GNA12: variants seen among roughly 807,000 people sequenced by gnomAD.
The protein encoded by GNA12 is guanine nucleotide-binding protein subunit alpha-12.
In GNA12, 9 loss-of-function variants were observed where a neutral mutation model predicts 26.0. The ratio of observed to expected loss-of-function variants is 0.35; its 90% confidence interval spans 0.21 to 0.60. The LOEUF is 0.60. Ranked by LOEUF, GNA12 falls within the 20% of genes least tolerant of loss-of-function variation. GNA12 has a pLI of 0.78. For synonymous variants in GNA12, 264 were observed against 219.6 expected (o/e 1.20, Z -1.79); for missense variants, 405 against 525.8 (o/e 0.77, Z 2.25).
chr7:2,843,409 C>G (rs1405458826), intron 1 of GNA12, among the ~76,000 whole-genome samples: 2 of 151,058 alleles, frequency 1.3e-5, no homozygotes, highest in Non-Finnish European at 3.0e-5. Context: ...TTGAGGGAGA[C>G]CAAGGCAGGA....
At chr7:2,797,369 C>T (rs921927721) in intron 1 of GNA12, among the ~76,000 whole-genome samples, 1 of 152,038 alleles carries the variant, frequency 6.6e-6, no homozygotes, top group Admixed American at 6.5e-5. Flanking sequence ...GTCTCAAACT[C>T]CTGAGCTCAA....
At position 2,728,939 on chromosome 7, in the gene GNA12, C is replaced by A. The variant is rs1789745308; in HGVS notation, c.*2242G>T. Reference sequence around the variant, plus strand: ...CGGGTCAAGAGCCCGCGCCGGGGGCCATCCCCCTGCGCTTTCTATCGAGTT... The same window carrying A: ...CGGGTCAAGAGCCCGCGCCGGGGGCAATCCCCCTGCGCTTTCTATCGAGTT... On this transcript the variant is annotated 3_prime_UTR_variant, in exon 4 of 4. Coordinates refer to ENST00000275364, the MANE Select transcript of GNA12 (RefSeq NM_007353.3). 1 of 152,406 alleles carries A rather than the reference C, an allele frequency of 6.6e-6. No individual in the cohort carries two copies. The highest frequency in any genetic ancestry group is 1.5e-5 in the Non-Finnish European group (1 of 68,052). 9.4% of individuals were successfully genotyped at this position (152,406 alleles called of 1,614,324 possible). A position where few individuals can be genotyped will look rare whatever the true frequency, so the allele number is the denominator to read the frequency against.
chr7:2,731,192 T>G lies in GNA12; in HGVS notation c.1135A>C (p.Met379Leu). ...CGGGGCTTCCTCGCTCACTGCAGCA[T>G]GATGTCCTTCAGGTTCTCCTGCAGG... ...TILQENLKDI[M>L]LQ is the part of the protein sequence containing the mutation. Residue 379 changes from methionine to leucine, a missense_variant, in exon 4 of 4, where the codon ATG becomes CTG. Coordinates refer to ENST00000275364, the MANE Select transcript of GNA12 (RefSeq NM_007353.3). This position sits in a 1 kb window ranked among gnomAD's most constrained non-coding sequence, Gnocchi z 6.0. 1 of 1,609,712 alleles carries G rather than the reference T, an allele frequency of 6.2e-7. No individual in the cohort carries two copies. The highest frequency in any genetic ancestry group is 1.1e-5 in the South Asian group (1 of 90,888).
rs1324713245 is a variant in GNA12, at chr7:2,843,907, G to A, written c.255C>T (p.Phe85=). ...KQMRIIHGRE[F]DQKALLEFRD... The stretch of plus-strand genomic sequence containing the variant: ...GGAACTCCAGCAGCGCCTTCTGGTC[G>A]AACTCGCGGCCGTGGATGATGCGCA... The change falls in exon 1 of 4, where the codon TTC becomes TTT. Residue 85 remains phenylalanine (F), a synonymous_variant. Coordinates refer to ENST00000275364, the MANE Select transcript of GNA12 (RefSeq NM_007353.3). 1.9e-6 allele frequency: 3 copies of A among 1,583,434 alleles called. No homozygotes were observed. The highest frequency in any genetic ancestry group is 1.4e-5 in the African/African-American group (1 of 72,222).
intron 1 of GNA12, among the ~76,000 whole-genome samples, chr7:2,820,301 G>A (rs1025208639): frequency 1.3e-5 from 2 of 152,014 alleles, no homozygotes; most frequent in African/African-American, 4.8e-5. Flanking sequence ...AAAATTGACT[G>A]TGGTGATGGC....
At chr7:2,737,289 GTTTTTTTTT>G (rs11389467) in intron 2 of GNA12, among the ~76,000 whole-genome samples, 1 of 62,276 alleles carries the variant, frequency 1.6e-5, no homozygotes, top group Non-Finnish European at 3.2e-5. Flanking sequence ...TTTTTTTTTT[GTTTTTTTTT>G]TTTTTTTTGA....
At position 2,772,528 on chromosome 7, in the gene GNA12, C is replaced by G. The variant is rs1791974941; in HGVS notation, c.525+22400G>C. ...TGAGCCAAGATCGCACCACTGCACT[C>G]CAGCCTGGGCAACAGAGTGAGACTC... On this transcript the variant is annotated intron_variant, in intron 2 of 3. Coordinates refer to ENST00000275364, the MANE Select transcript of GNA12 (RefSeq NM_007353.3). 2.0e-5 allele frequency among the ~76,000 whole-genome samples: 3 copies of G among 151,400 alleles called. No homozygotes were observed. The South Asian group carries it at 6.3e-4, about 32-fold the overall frequency.
intron 2 of GNA12, among the ~76,000 whole-genome samples, chr7:2,768,363 T>G (rs1445937312): frequency 6.6e-6 from 1 of 152,242 alleles, no homozygotes; most frequent in Non-Finnish European, 1.5e-5. Context: ...CTTCATCCAG[T>G]GAAGATCAGT....
intron 1 of GNA12, among the ~76,000 whole-genome samples, chr7:2,831,569 A>AT (rs1403878116): frequency 6.6e-6 from 1 of 151,572 alleles, no homozygotes; most frequent in Admixed American, 6.6e-5. Flanking sequence ...ACGCCCGGTT[A>AT]TTTTTTTGTA....
chr7:2,821,588 C>T (rs1051236773), intron 1 of GNA12, among the ~76,000 whole-genome samples: 1 of 152,232 alleles, frequency 6.6e-6, no homozygotes, highest in Non-Finnish European at 1.5e-5. Flanking sequence ...AAACAATTCA[C>T]CCCAAACGGT....
chr7:2,728,341 T>A lies in GNA12; in HGVS notation c.*2840A>T, dbSNP rs1307820892. ...CAACTAATAATCTTCTTTCAAGAGT[T>A]TTTTTTTTCAATCTTGGAGTTAACA... On this transcript the variant is annotated 3_prime_UTR_variant, in exon 4 of 4. Transcript: ENST00000275364. 6.6e-6 allele frequency: 1 copy of A among 151,960 alleles called. No individual in the cohort carries two copies. The highest frequency in any genetic ancestry group is 1.5e-5 in the Non-Finnish European group (1 of 67,932). 9.4% of individuals were successfully genotyped at this position (151,960 alleles called of 1,614,324 possible).
chr7:2,820,879 C>T (rs1345496028), intron 1 of GNA12, among the ~76,000 whole-genome samples: 1 of 152,250 alleles, frequency 6.6e-6, no homozygotes, highest in Admixed American at 6.5e-5. Context: ...GCTGGGATTA[C>T]AGGCATGCAC....
rs1319251153 is a variant in GNA12 at position 2,793,680 on chromosome 7, C to T, written c.525+1248G>A. ...GGTGGATCACCTGAGGCCAGGAGTT[C>T]GAGACCAGCCTGGCCAACATGGTAA... is the stretch of plus-strand genomic sequence containing the variant. On this transcript the variant is annotated intron_variant, in intron 2 of 3. Coordinates refer to ENST00000275364, the MANE Select transcript of GNA12 (RefSeq NM_007353.3). Among the ~76,000 whole-genome samples, 3 of 152,008 alleles carry T rather than the reference C, an allele frequency of 2.0e-5. No individual in the cohort carries two copies. The South Asian group carries it at 6.3e-4, about 32-fold the overall frequency.
chr7:2,783,991 ATTTATT>A (rs1161208055), intron 2 of GNA12, among the ~76,000 whole-genome samples: 1 of 152,108 alleles, frequency 6.6e-6, no homozygotes, highest in Non-Finnish European at 1.5e-5. Flanking sequence ...GGCCTAATAA[ATTTATT>A]TTTAACATTT....
chr7:2,823,563 G>C (rs1406009883), intron 1 of GNA12, among the ~76,000 whole-genome samples: 2 of 152,200 alleles, frequency 1.3e-5, no homozygotes, highest in African/African-American at 4.8e-5. Context: ...GAAGAGGCCA[G>C]TCGTTGCTTA....
chr7:2,748,901 C>A (rs1790894259), intron 2 of GNA12, among the ~76,000 whole-genome samples: 1 of 152,204 alleles, frequency 6.6e-6, no homozygotes, highest in South Asian at 2.1e-4. Context: ...CCAAAAGACA[C>A]ATGAAAAAAT....
chr7:2,794,641 A>C (rs569361186), intron 2 of GNA12: 4 of 406,032 alleles, frequency 9.9e-6, no homozygotes, highest in Admixed American at 8.6e-5. Flanking sequence ...CTCTAAAAAA[A>C]ACTAAATTTC....
chr7:2,827,276 T>C (rs543926861), intron 1 of GNA12, among the ~76,000 whole-genome samples: 3 of 152,208 alleles, frequency 2.0e-5, no homozygotes, highest in East Asian at 3.9e-4. Flanking sequence ...AGATCTCCTT[T>C]TGGAGTGATT....
intron 1 of GNA12, among the ~76,000 whole-genome samples, chr7:2,838,615 C>A (rs1397939130): frequency 6.6e-6 from 1 of 151,914 alleles, no homozygotes; most frequent in African/African-American, 2.4e-5. Flanking sequence ...AATGACTTTA[C>A]CCTAAATGTA....
Sources: gnomAD v4.1 joint callset for allele counts (sites outside exome capture counted in the v4.1 genomes callset) on GRCh38, gnomAD v4.1.1 for gene constraint, Gnocchi (gnomAD v3.1) non-coding constraint, MANE v1.5 for transcripts, NCBI Gene and HGNC (gene_info 2026-07-23, HGNC 2026-07-21) for gene names.